TAFA1: variants seen among roughly 807,000 people sequenced by gnomAD.
The protein encoded by TAFA1 is chemokine-like protein TAFA-1.
Under a neutral mutation model 18.5 loss-of-function variants are expected in TAFA1, and 4 were observed. That is an observed-to-expected ratio of 0.22 (90% CI 0.11 to 0.49). The LOEUF is 0.49. TAFA1 is among the 20% of genes least tolerant of loss of function. The probability of loss-of-function intolerance (pLI) is 0.98; values close to 1 mark genes in which losing one functional copy is unlikely to be tolerated. For missense variants in TAFA1, 147 were observed against 169.0 expected (o/e 0.87, Z 0.72); for synonymous variants, 56 against 55.2 (o/e 1.01, Z -0.06).
In TAFA1 at chr3:68,031,556, T is replaced by C. The variant is rs530234695; in HGVS notation, c.118+24812T>C. Among the ~76,000 whole-genome samples the C allele has an allele frequency of 2.0e-5, 3 of 152,214 alleles. No individual in the cohort carries two copies. In the South Asian group the frequency reaches 6.2e-4, roughly 32 times the overall value. On this transcript the variant is annotated intron_variant, in intron 2 of 4. Coordinates refer to ENST00000478136, the MANE Select transcript of TAFA1 (RefSeq NM_213609.4). ...TCTAGAAGGACTGGGAAAGACCTCG[T>C]TTGTGGAGGAGATGGCCGGGAGAAA...
At chr3:68,084,604 C>T (rs2064948180) in intron 2 of TAFA1, among the ~76,000 whole-genome samples, 1 of 152,224 alleles carries the variant, frequency 6.6e-6, no homozygotes, top group African/African-American at 2.4e-5. Flanking sequence ...TTGAGACCAG[C>T]CTGGCTAACA....
chr3:68,387,807 C>T (rs77781936), intron 2 of TAFA1, among the ~76,000 whole-genome samples: 3,381 of 152,218 alleles, frequency 0.022, 65 homozygotes, highest in South Asian at 0.05. Flanking sequence ...GGTGGAGGAA[C>T]TCATGGTTAC....
intron 2 of TAFA1, among the ~76,000 whole-genome samples, chr3:68,129,878 C>T (rs1028774074): frequency 3.9e-5 from 6 of 152,030 alleles, no homozygotes; most frequent in African/African-American, 1.4e-4. Flanking sequence ...TTGTTCCTTT[C>T]CTTGTTATTT....
intron 2 of TAFA1, among the ~76,000 whole-genome samples, chr3:68,272,307 C>T (rs1183841812): frequency 1.3e-5 from 2 of 152,152 alleles, no homozygotes; most frequent in Admixed American, 6.6e-5. Flanking sequence ...CTTGCTTGGC[C>T]TTTTCTTTCC....
At chr3:68,205,274 A>G (rs2066512856) in intron 2 of TAFA1, among the ~76,000 whole-genome samples, 1 of 151,894 alleles carries the variant, frequency 6.6e-6, no homozygotes, top group South Asian at 2.1e-4. Flanking sequence ...CATTACAAGC[A>G]CTGAGGTCCT....
At chr3:67,999,979 G>A (rs1215182548), upstream of TAFA1, among the ~76,000 whole-genome samples, 1 of 152,024 alleles carries the variant, frequency 6.6e-6, no homozygotes, top group African/African-American at 2.4e-5. Flanking sequence ...AGTAGAGACA[G>A]GGTTTCACCA....
At chr3:68,494,905 C>T (rs2072518369) in intron 3 of TAFA1, among the ~76,000 whole-genome samples, 1 of 152,100 alleles carries the variant, frequency 6.6e-6, no homozygotes, top group Non-Finnish European at 1.5e-5. Flanking sequence ...GGCTTGGATT[C>T]CATAGGACGT....
At chr3:68,306,161 G>A (rs1235739967) in intron 2 of TAFA1, among the ~76,000 whole-genome samples, 1 of 152,222 alleles carries the variant, frequency 6.6e-6, no homozygotes, top group Non-Finnish European at 1.5e-5. Flanking sequence ...CAGGTGTTAG[G>A]AGAATACTAG....
At chr3:68,431,095 C>T (rs953360932) in intron 3 of TAFA1, among the ~76,000 whole-genome samples, 1 of 151,860 alleles carries the variant, frequency 6.6e-6, no homozygotes, top group Non-Finnish European at 1.5e-5. Context: ...CCCTAACCCC[C>T]TACAAAAGCC....
At chr3:68,228,006 T>C (rs1322310150) in intron 2 of TAFA1, among the ~76,000 whole-genome samples, 2 of 152,082 alleles carry the variant, frequency 1.3e-5, no homozygotes, top group Non-Finnish European at 2.9e-5. Context: ...TGGAGACAGG[T>C]TGACAAGTGC....
At chr3:68,009,236 C>T (rs766696060) in intron 2 of TAFA1, among the ~76,000 whole-genome samples, 14 of 152,066 alleles carry the variant, frequency 9.2e-5, no homozygotes, top group Admixed American at 2.6e-4. Context: ...GATACAGTAC[C>T]GTTTGTAACA....
At chr3:68,497,887 A>G (rs746417609) in intron 3 of TAFA1, among the ~76,000 whole-genome samples, 2 of 152,178 alleles carry the variant, frequency 1.3e-5, no homozygotes, top group Non-Finnish European at 1.5e-5. Flanking sequence ...GAGTGATGGC[A>G]TGGATAGAGA....
At chr3:68,191,363 C>T (rs895589368) in intron 2 of TAFA1, among the ~76,000 whole-genome samples, 17 of 151,776 alleles carry the variant, frequency 1.1e-4, no homozygotes, top group East Asian at 9.8e-4. Flanking sequence ...TTCAGCATGG[C>T]GGTATTTATT....
At chr3:68,517,861 G>C (rs1426942986) in intron 3 of TAFA1, among the ~76,000 whole-genome samples, 1 of 152,030 alleles carries the variant, frequency 6.6e-6, no homozygotes, top group African/African-American at 2.4e-5. Flanking sequence ...ACTGTGGACT[G>C]TGATCAAATT....
intron 2 of TAFA1, among the ~76,000 whole-genome samples, chr3:68,327,626 A>G (rs1308342224): frequency 2.6e-5 from 4 of 152,224 alleles, no homozygotes; most frequent in Non-Finnish European, 5.9e-5. Context: ...TAGATGGGTC[A>G]ATTCATATAA....
intron 2 of TAFA1, among the ~76,000 whole-genome samples, chr3:68,248,074 G>A (rs1048437811): frequency 6.6e-5 from 10 of 152,192 alleles, no homozygotes; most frequent in South Asian, 6.2e-4. Flanking sequence ...ACTGTTGGGG[G>A]AAAATTCTCA....
In TAFA1 at chr3:68,264,709, G is replaced by T. The variant is rs1559587719; in HGVS notation, c.119-152571G>T. 1.4e-3 allele frequency among the ~76,000 whole-genome samples: 155 copies of T among 114,786 alleles called. 2 individuals carry two copies. The highest frequency in any genetic ancestry group is 5.6e-3 in the African/African-American group (149 of 26,620). The allele number at this position is 114,786 out of a possible 152,430, so 75.3% of individuals were successfully genotyped here. A position where few individuals can be genotyped will look rare whatever the true frequency, so the allele number is the denominator to read the frequency against. On this transcript the variant is annotated intron_variant, in intron 2 of 4. Coordinates refer to ENST00000478136, the MANE Select transcript of TAFA1 (RefSeq NM_213609.4). The stretch of plus-strand genomic sequence containing the variant: ...AAAGTCTTTATAGAAAGTATATATA[G>T]ATAATTTCTATAAAGAAATTTATAT...
At chr3:68,043,579 G>C (rs1278725249) in intron 2 of TAFA1, among the ~76,000 whole-genome samples, 1 of 152,170 alleles carries the variant, frequency 6.6e-6, no homozygotes, top group Non-Finnish European at 1.5e-5. Context: ...TTTTCTATGA[G>C]TTCTTTTTCT....
chr3:68,054,202 G>A (rs1019694843), intron 2 of TAFA1, among the ~76,000 whole-genome samples: 1 of 152,130 alleles, frequency 6.6e-6, no homozygotes, highest in Non-Finnish European at 1.5e-5. Context: ...AGGCCTAGTG[G>A]GAGGGGCTTG....
Sources: allele counts gnomAD v4.1 joint callset (sites outside exome capture counted in the v4.1 genomes callset), GRCh38; gene constraint gnomAD v4.1.1; transcripts MANE v1.5; gene names NCBI Gene and HGNC (gene_info 2026-07-23, HGNC 2026-07-21).